The following PCDHGB4 variants were observed in gnomAD, a reference collection of about 807,000 sequenced individuals.
PCDHGB4 encodes protocadherin gamma subfamily B, 4, also known as protocadherin gamma-B4.
Under a neutral mutation model 60.5 loss-of-function variants are expected in PCDHGB4, and 38 were observed. The ratio of observed to expected loss-of-function variants is 0.63; its 90% confidence interval spans 0.48 to 0.82. PCDHGB4 has a LOEUF of 0.82. Among genes scored for constraint, PCDHGB4 ranks in the 40% least tolerant of loss-of-function variants. The pLI is 0.00. For missense variants in PCDHGB4, 1,109 were observed against 1,209.6 expected (o/e 0.92, Z 1.23); for synonymous variants, 456 against 509.7 (o/e 0.89, Z 1.42).
intron 1 of PCDHGB4, among the ~76,000 whole-genome samples, chr5:141,464,888 GCCACCATGT>G (rs1351812446): frequency 6.6e-6 from 1 of 152,000 alleles, no homozygotes; most frequent in East Asian, 1.9e-4. Context: ...ACAGATGGAT[GCCACCATGT>G]CCAGCTAATT....
intron 1 of PCDHGB4, among the ~76,000 whole-genome samples, chr5:141,434,409 T>G (rs2097692930): frequency 6.6e-6 from 1 of 152,232 alleles, no homozygotes; most frequent in South Asian, 2.1e-4. Context: ...TCTGCAGCAC[T>G]GTGACATGTT....
intron 2 of PCDHGB4, among the ~76,000 whole-genome samples, chr5:141,496,565 T>C (rs2099769541): frequency 6.6e-6 from 1 of 152,136 alleles, no homozygotes; most frequent in African/African-American, 2.4e-5. Context: ...CACAGTCCTG[T>C]CACCCATTTT....
intron 2 of PCDHGB4, among the ~76,000 whole-genome samples, chr5:141,500,906 G>C (rs1333707004): frequency 6.7e-6 from 1 of 149,672 alleles, no homozygotes; most frequent in African/African-American, 2.5e-5. Flanking sequence ...GTCTCGCTCT[G>C]TCTCCAGGCT....
At chr5:141,418,185 T>C in intron 1 of PCDHGB4, 1 of 1,614,058 alleles carries the variant, frequency 6.2e-7, no homozygotes, top group Non-Finnish European at 8.5e-7. Flanking sequence ...TTGGAAGCTG[T>C]GGTGGAAAAT....
chr5:141,467,672 AT>A (rs1199631144), intron 1 of PCDHGB4, among the ~76,000 whole-genome samples: 1 of 151,634 alleles, frequency 6.6e-6, no homozygotes, highest in Non-Finnish European at 1.5e-5. Context: ...GAAGATTTTT[AT>A]TTTTTTTAGA....
At chr5:141,458,727 A>G (rs1424554234) in intron 1 of PCDHGB4, among the ~76,000 whole-genome samples, 1 of 151,570 alleles carries the variant, frequency 6.6e-6, no homozygotes, top group East Asian at 1.9e-4. Flanking sequence ...TCGCCACCAC[A>G]TCCAGCTATT....
chr5:141,501,288 T>TATACACATAC (rs201660636), intron 2 of PCDHGB4, among the ~76,000 whole-genome samples: 2 of 81,228 alleles, frequency 2.5e-5, no homozygotes, highest in African/African-American at 9.9e-5. Flanking sequence ...GATATTCCCT[T>TATACACATAC]ATACACACAC....
At position 141,511,199 on chromosome 5, in the gene PCDHGB4, G is replaced by C. The variant is rs1303066281; in HGVS notation, c.*26G>C. On this transcript the variant is annotated 3_prime_UTR_variant, in exon 4 of 4. Coordinates refer to ENST00000519479, the MANE Select transcript of PCDHGB4 (RefSeq NM_003736.4). The stretch of plus-strand genomic sequence containing the variant: ...CATGGAGGCCAGGCCAAGAGCCACA[G>C]GGCGGCCTCTCCCCAACCAGCCCAG... 6.2e-6 allele frequency: 10 copies of C among 1,612,868 alleles called. No individual in the cohort carries two copies. In the East Asian group the frequency reaches 2.2e-4, roughly 36 times the overall value.
At position 141,405,211 on chromosome 5, in the gene PCDHGB4, T is replaced by G. The variant is rs756004707; in HGVS notation, c.2397+14930T>G. On this transcript the variant is annotated intron_variant, in intron 1 of 3. Coordinates refer to ENST00000519479, the MANE Select transcript of PCDHGB4 (RefSeq NM_003736.4). ...GGGTTCGAGCTTTCCTACAGACCTA[T>G]TCTCAGGAGTTCTCCCTCACCGCTG... The G allele has an allele frequency of 7.4e-6, 12 of 1,613,432 alleles. No homozygotes were observed. In the South Asian group the frequency reaches 1.2e-4, roughly 16 times the overall value.
intron 1 of PCDHGB4, among the ~76,000 whole-genome samples, chr5:141,449,422 C>A (rs1041930577): frequency 4.0e-5 from 6 of 151,724 alleles, no homozygotes; most frequent in Non-Finnish European, 7.4e-5. Flanking sequence ...GCCTGGCCAA[C>A]ATGATAAAAC....
Position 141,487,070 on chromosome 5 carries a change from C to T in PCDHGB4, c.2398-7737C>T. ...TGCTGGGGAGGTGCGGACGGCTGTT[C>T]CTATCCCAGCTGACCTCCCACCACA... On this transcript the variant is annotated intron_variant, in intron 1 of 3. Coordinates refer to ENST00000519479, the MANE Select transcript of PCDHGB4 (RefSeq NM_003736.4). This position sits in a 1 kb window ranked among gnomAD's most constrained non-coding sequence, Gnocchi z 5.0. The T allele has an allele frequency of 6.2e-7, 1 of 1,614,154 alleles. No homozygotes were observed. Among genetic ancestry groups the T allele is most frequent in the Non-Finnish European group, 8.5e-7 (1 of 1,180,008 alleles).
intron 1 of PCDHGB4, chr5:141,404,668 T>C: frequency 6.2e-7 from 1 of 1,614,148 alleles, no homozygotes; most frequent in Non-Finnish European, 8.5e-7. Flanking sequence ...CTGATGGTTC[T>C]ACTGGTGTGG....
chr5:141,405,414 T>G, intron 1 of PCDHGB4: 3 of 1,562,312 alleles, frequency 1.9e-6, no homozygotes, highest in Non-Finnish European at 2.6e-6. Flanking sequence ...TTTCTTTTTT[T>G]GTTTTTTGTT....
chr5:141,423,234 C>A (rs1408925478), intron 1 of PCDHGB4: 1 of 1,613,800 alleles, frequency 6.2e-7, no homozygotes, highest in Non-Finnish European at 8.5e-7. Context: ...CCGACAGCAT[C>A]CCCGAAGTCC....
intron 1 of PCDHGB4, chr5:141,399,794 C>T (rs2093888579): frequency 1.9e-6 from 3 of 1,613,268 alleles, no homozygotes; most frequent in Middle Eastern, 1.7e-4. Flanking sequence ...GACAACGCAC[C>T]GCGGGTGCTG....
intron 1 of PCDHGB4, among the ~76,000 whole-genome samples, chr5:141,458,758 G>T (rs1473104567): frequency 1.3e-5 from 2 of 150,844 alleles, no homozygotes; most frequent in Non-Finnish European, 3.0e-5. Context: ...TTTGAGACAG[G>T]GTCTTGCTGT....
chr5:141,477,572 G>T lies in PCDHGB4; in HGVS notation c.2398-17235G>T, dbSNP rs375416133. The T allele has an allele frequency of 6.2e-7, 1 of 1,614,112 alleles. No homozygotes were observed. Among genetic ancestry groups the T allele is most frequent in the South Asian group, 1.1e-5 (1 of 91,072 alleles). ...AAACCTAAGTGTCTGGGACCCCGAC[G>T]CCCCGCAGAATGCTCGGCTTTCTTT... On this transcript the variant is annotated intron_variant, in intron 1 of 3. Transcript: ENST00000519479. The surrounding 1 kb of genome is among the most constrained non-coding windows in gnomAD (Gnocchi z 4.9).
At chr5:141,420,824 C>T (rs1282369085) in intron 1 of PCDHGB4, among the ~76,000 whole-genome samples, 1 of 152,216 alleles carries the variant, frequency 6.6e-6, no homozygotes, top group Admixed American at 6.5e-5. Context: ...TTAATAATTA[C>T]TCCTTTCGCA....
intron 1 of PCDHGB4, among the ~76,000 whole-genome samples, chr5:141,494,218 T>C (rs1224329242): frequency 1.3e-5 from 2 of 152,222 alleles, no homozygotes; most frequent in South Asian, 2.1e-4. Context: ...CAATCTGGCA[T>C]GACTCCTAAA....
Sources: gnomAD v4.1 joint callset for allele counts (sites outside exome capture counted in the v4.1 genomes callset) on GRCh38, gnomAD v4.1.1 for gene constraint, Gnocchi (gnomAD v3.1) non-coding constraint, MANE v1.5 for transcripts, NCBI Gene and HGNC (gene_info 2026-07-23, HGNC 2026-07-21) for gene names.